CEP128: variants seen among roughly 807,000 people sequenced by gnomAD.
The protein encoded by CEP128 is centrosomal protein 128, also known as centrosomal protein 128kDa.
CEP128 carries 132 observed loss-of-function variants against 156.7 expected under a neutral mutation model. The ratio of observed to expected loss-of-function variants is 0.84; its 90% confidence interval spans 0.73 to 0.97. The LOEUF is 0.97. Among genes scored for constraint, CEP128 ranks in the 50% least tolerant of loss-of-function variants. CEP128 has a pLI of 0.00. For synonymous variants in CEP128, 469 were observed against 448.9 expected (o/e 1.04, Z -0.57); for missense variants, 1,252 against 1,281.9 (o/e 0.98, Z 0.36).
chr14:80,901,463 G>A (rs565950570), intron 6 of CEP128, among the ~76,000 whole-genome samples: 9 of 152,264 alleles, frequency 5.9e-5, no homozygotes, highest in Non-Finnish European at 1.3e-4. Context: ...TCTGATATGA[G>A]AGCCAGATAT....
intron 19 of CEP128, among the ~76,000 whole-genome samples, chr14:80,638,659 C>T (rs185750211): frequency 2.6e-5 from 4 of 152,186 alleles, no homozygotes; most frequent in East Asian, 1.9e-4. Flanking sequence ...AATGAGACAG[C>T]GAATTCCAAC....
At chr14:80,708,473 A>AT (rs957032147) in intron 19 of CEP128, among the ~76,000 whole-genome samples, 4 of 151,140 alleles carry the variant, frequency 2.6e-5, no homozygotes, top group South Asian at 2.1e-4. Flanking sequence ...TACTGTTTCC[A>AT]TTTTTTTTCG....
At chr14:80,766,335 A>G (rs1265518610) in intron 16 of CEP128, among the ~76,000 whole-genome samples, 1 of 152,068 alleles carries the variant, frequency 6.6e-6, no homozygotes, top group Non-Finnish European at 1.5e-5. Context: ...CTCATGATAA[A>G]CACACACACA....
intron 21 of CEP128, among the ~76,000 whole-genome samples, chr14:80,533,853 T>C (rs983177700): frequency 4.6e-5 from 7 of 152,312 alleles, no homozygotes; most frequent in African/African-American, 1.7e-4. Context: ...ACAACAAATA[T>C]GTATCTCGGA....
chr14:80,603,345 G>C (rs190464605), intron 19 of CEP128, among the ~76,000 whole-genome samples: 6 of 152,326 alleles, frequency 3.9e-5, no homozygotes, highest in African/African-American at 1.4e-4. Context: ...AGAGGCTGGA[G>C]GGAGGGATAT....
At position 80,955,876 on chromosome 14, in the gene CEP128, A is replaced by C. The variant is rs61750920; in HGVS notation, c.-172+2302T>G. ...GTGAGTACCCGGGAGAGATCAGGGT[A>C]GGACCCAGAGATCAAGGGCATCTGC... On this transcript the variant is annotated intron_variant, in intron 2 of 7. Transcript: ENST00000555529. The C allele has an allele frequency of 4.4e-4, 708 of 1,614,068 alleles. 6 individuals carry two copies. The African/African-American group carries it at 8.0e-3, about 18-fold the overall frequency.
At chr14:80,916,021 A>G (rs116183028) in intron 3 of CEP128, among the ~76,000 whole-genome samples, 1 of 152,186 alleles carries the variant, frequency 6.6e-6, no homozygotes, top group Non-Finnish European at 1.5e-5. Flanking sequence ...AACATCCGTA[A>G]AAGAGGAAAA....
intron 19 of CEP128, among the ~76,000 whole-genome samples, chr14:80,580,971 A>T (rs1415955092): frequency 2.6e-5 from 4 of 152,080 alleles, no homozygotes; most frequent in Non-Finnish European, 1.5e-5. Flanking sequence ...ATCATTTCAC[A>T]CTGAGAGGGT....
chr14:80,751,631 C>CTT (rs550491859), intron 18 of CEP128, among the ~76,000 whole-genome samples: 61 of 138,718 alleles, frequency 4.4e-4, no homozygotes, highest in African/African-American at 1.5e-3. Context: ...GTAAATATGT[C>CTT]TTTTTTTTTT....
At chr14:80,865,641 T>A (rs1298189633) in intron 8 of CEP128, among the ~76,000 whole-genome samples, 1 of 152,160 alleles carries the variant, frequency 6.6e-6, no homozygotes, top group Admixed American at 6.5e-5. Flanking sequence ...GCAGAAGTGA[T>A]GGGATGTCAC....
In CEP128 at chr14:80,504,991, G is replaced by A. The variant is rs764997226; in HGVS notation, c.3102C>T (p.His1034=). The stretch of plus-strand genomic sequence containing the variant: ...AGGATGAGTGATCTAACCCACGAGT[G>A]TGGGAACCTTCCAGAAAGGTTCTGT... ...KGDRTFLEGS[H]TRGLDHSSSW... The change falls in exon 24 of 25, where the codon CAC becomes CAT. Residue 1034 remains histidine, a synonymous_variant. Coordinates refer to ENST00000555265, the MANE Select transcript of CEP128 (RefSeq NM_152446.5). 3.8e-6 allele frequency: 6 copies of A among 1,599,342 alleles called. No homozygotes were observed. In the East Asian group the frequency reaches 9.0e-5, roughly 24 times the overall value.
chr14:80,733,375 T>TGTGTGG (rs1898374176), intron 19 of CEP128, among the ~76,000 whole-genome samples: 1 of 151,482 alleles, frequency 6.6e-6, no homozygotes, highest in Non-Finnish European at 1.5e-5. Flanking sequence ...TGTGTGTGTG[T>TGTGTGG]GTGTGTGTAT....
intron 7 of CEP128, among the ~76,000 whole-genome samples, chr14:80,898,562 C>G (rs1889453128): frequency 6.6e-6 from 1 of 152,160 alleles, no homozygotes; most frequent in Non-Finnish European, 1.5e-5. Flanking sequence ...TCAACTAAAT[C>G]ATCCCTGCAA....
intron 19 of CEP128, among the ~76,000 whole-genome samples, chr14:80,590,639 T>G (rs1455990567): frequency 6.6e-6 from 1 of 151,602 alleles, no homozygotes; most frequent in African/African-American, 2.4e-5. Context: ...AGAAAGAATA[T>G]TAGAAGAGGA....
At chr14:80,770,599 T>C (rs572651429) in intron 16 of CEP128, among the ~76,000 whole-genome samples, 1 of 152,330 alleles carries the variant, frequency 6.6e-6, no homozygotes, top group Non-Finnish European at 1.5e-5. Flanking sequence ...AAATGTATCA[T>C]TTGCCTTCAA....
At chr14:80,584,846 G>A (rs2140461500) in intron 19 of CEP128, among the ~76,000 whole-genome samples, 1 of 152,118 alleles carries the variant, frequency 6.6e-6, no homozygotes, top group South Asian at 2.1e-4. Context: ...CATTGAAAGA[G>A]CTGAAGGTCT....
At chr14:80,761,802 G>A (rs763485591) in intron 16 of CEP128, among the ~76,000 whole-genome samples, 189 bp from the exon 17 acceptor site, 3 of 151,960 alleles carry the variant, frequency 2.0e-5, no homozygotes, top group African/African-American at 4.8e-5. Context: ...GAGTTCCATC[G>A]TAGGGCAGTT....
At chr14:80,845,075 C>A (rs1252065165) in intron 9 of CEP128, among the ~76,000 whole-genome samples, 5 of 152,124 alleles carry the variant, frequency 3.3e-5, no homozygotes, top group Non-Finnish European at 1.5e-5. Context: ...ATGAATGAAT[C>A]AGCAAAAATT....
intron 19 of CEP128, among the ~76,000 whole-genome samples, chr14:80,709,064 T>TA (rs1324793338): frequency 6.6e-6 from 1 of 151,032 alleles, no homozygotes; most frequent in South Asian, 2.1e-4. Flanking sequence ...ACGCCTGTAA[T>TA]AAAAAAATAA....
Sources: allele counts gnomAD v4.1 joint callset (sites outside exome capture counted in the v4.1 genomes callset), GRCh38; gene constraint gnomAD v4.1.1; transcripts MANE v1.5; gene names NCBI Gene and HGNC (gene_info 2026-07-23, HGNC 2026-07-21).